Variants in DGCR8 observed in about 807,000 individuals in gnomAD.
The protein encoded by DGCR8 is DGCR8 microprocessor complex subunit, also known as microprocessor complex subunit DGCR8.
Under a neutral mutation model 78.5 loss-of-function variants are expected in DGCR8, and 14 were observed. The observed-to-expected ratio is 0.18, with a 90% CI of 0.12 to 0.28. The LOEUF (loss-of-function observed/expected upper bound fraction) is 0.28, where lower values mean the gene tolerates loss of function less well. Among genes scored for constraint, DGCR8 ranks in the 10% least tolerant of loss-of-function variants. DGCR8 has a pLI of 1.00. For missense variants in DGCR8, 702 were observed against 1,022.5 expected (o/e 0.69, Z 4.28); for synonymous variants, 399 against 402.4 (o/e 0.99, Z 0.10).
At chr22:20,100,395 C>T (rs766472822) in intron 9 of DGCR8, 30 of 985,174 alleles carry the variant, frequency 3.0e-5, no homozygotes, top group East Asian at 2.3e-4. Flanking sequence ...GTGACCCAAC[C>T]GTGGGAAATA....
Position 20,085,190 on chromosome 22 carries a change from T to C in DGCR8, c.-277-497T>C. The C allele has an allele frequency of 3.4e-6, 1 of 294,876 alleles. No homozygotes were observed. The highest frequency in any genetic ancestry group is 5.0e-6 in the Non-Finnish European group (1 of 198,692). 18.3% of individuals were successfully genotyped at this position (294,876 alleles called of 1,614,324 possible). On this transcript the variant is annotated intron_variant, in intron 1 of 13. Transcript: ENST00000351989. This position sits in a 1 kb window ranked among gnomAD's most constrained non-coding sequence, Gnocchi z 6.2. ...TGGGGTCCCTGGGTAGCAGAGCGCC[T>C]GGCCATGCCTCTGAGGCCCCTAGTG... is the stretch of plus-strand genomic sequence containing the variant.
chr22:20,086,969 T>C lies in DGCR8; in HGVS notation c.721-193T>C, dbSNP rs960547293. 1.3e-6 allele frequency: 1 copy of C among 791,418 alleles called. No homozygotes were observed. The highest frequency in any genetic ancestry group is 1.7e-5 in the African/African-American group (1 of 57,712). The allele number at this position is 791,418 out of a possible 1,614,324, so 49.0% of individuals were successfully genotyped here. On this transcript the variant is annotated intron_variant, in intron 2 of 13. Transcript: ENST00000351989. This position sits in a 1 kb window ranked among gnomAD's most constrained non-coding sequence, Gnocchi z 6.4. Reference sequence around the variant, plus strand: ...TACGCTCCTTGGCAGTGTGTGCCCCTGGACCAGGTGTGTTGGTGTCAGCTG... The same window carrying C: ...TACGCTCCTTGGCAGTGTGTGCCCCCGGACCAGGTGTGTTGGTGTCAGCTG...
chr22:20,107,676 G>A (rs2049786680), intron 12 of DGCR8: 4 of 450,638 alleles, frequency 8.9e-6, no homozygotes, highest in African/African-American at 5.9e-5. Flanking sequence ...AAAGTGCAAG[G>A]CAGGGCCAGG....
At chr22:20,109,518 C>T (rs1240549747) in intron 13 of DGCR8, among the ~76,000 whole-genome samples, 1 of 152,168 alleles carries the variant, frequency 6.6e-6, no homozygotes, top group Non-Finnish European at 1.5e-5. Context: ...TGGGTGAGAG[C>T]CCCAGGAGGT....
At chr22:20,099,069 G>A (rs1448135191) in intron 9 of DGCR8, among the ~76,000 whole-genome samples, 2 of 152,184 alleles carry the variant, frequency 1.3e-5, no homozygotes, top group African/African-American at 4.8e-5. Flanking sequence ...GAGCCAGTAA[G>A]TCTCCCGGCC....
intron 9 of DGCR8, chr22:20,101,768 G>A: frequency 3.0e-6 from 3 of 985,290 alleles, no homozygotes; most frequent in Non-Finnish European, 3.6e-6. Flanking sequence ...CCCGCCCCCT[G>A]CTCCTCCCAG....
chr22:20,106,744 C>A, intron 11 of DGCR8, 46 bp downstream of exon 11: 2 of 1,388,974 alleles, frequency 1.4e-6, no homozygotes, highest in Non-Finnish European at 2.0e-6. Context: ...GGCGGGCGGC[C>A]CCTGGTGTGG....
chr22:20,107,503 G>GCTCACAGCTGCCTCTCTCCTGGGC, intron 12 of DGCR8, 105 bp downstream of exon 12: 1 of 1,409,878 alleles, frequency 7.1e-7, no homozygotes, highest in Non-Finnish European at 9.8e-7. Flanking sequence ...CTCTGCTGTT[G>GCTCACAGCTGCCTCTCTCCTGGGC]CTCACAGCTG....
At chr22:20,102,077 T>C (rs999360228) in intron 9 of DGCR8, 18 of 980,264 alleles carry the variant, frequency 1.8e-5, no homozygotes, top group Non-Finnish European at 2.2e-5. Flanking sequence ...GACCAAGTGT[T>C]TTCTTTTTTT....
intron 3 of DGCR8, among the ~76,000 whole-genome samples, chr22:20,088,425 C>T (rs563876016): frequency 1.7e-4 from 26 of 152,334 alleles, no homozygotes; most frequent in Admixed American, 1.0e-3. Context: ...TGTTCACAGA[C>T]GGACAGCTGC....
intron 9 of DGCR8, among the ~76,000 whole-genome samples, chr22:20,105,853 A>C (rs1602496181): frequency 6.6e-6 from 1 of 152,312 alleles, no homozygotes; most frequent in African/African-American, 2.4e-5. Context: ...AGTTCTGAGA[A>C]GGGTGCCTTA....
At position 20,087,211 on chromosome 22, in the gene DGCR8, C is replaced by T. The variant is rs1367469478; in HGVS notation, c.770C>T (p.Ala257Val). 5 of 1,613,758 alleles carry T rather than the reference C, an allele frequency of 3.1e-6. No homozygotes were observed. The highest frequency in any genetic ancestry group is 3.3e-4 in the Middle Eastern group (2 of 6,056). Reference protein sequence around the residue: ...VDALLEEGLCAPKKRRTEEKY... With the variant: ...VDALLEEGLCVPKKRRTEEKY... Reference sequence around the variant, plus strand: ...GCTCTGCTGGAAGAAGGCCTTTGTGCCCCCAAAAAGAGGCGAACAGAGGAA... The same window carrying T: ...GCTCTGCTGGAAGAAGGCCTTTGTGTCCCCAAAAAGAGGCGAACAGAGGAA... The change falls in exon 3 of 14, where the codon GCC becomes GTC. Residue 257 changes from alanine to valine, a missense_variant. By Grantham distance (64) the Ala-to-Val change is moderately conservative. Coordinates refer to ENST00000351989, the MANE Select transcript of DGCR8 (RefSeq NM_022720.7). The surrounding 1 kb of genome is among the most constrained non-coding windows in gnomAD (Gnocchi z 4.1).
At chr22:20,103,313 A>G (rs1221306601) in intron 9 of DGCR8, among the ~76,000 whole-genome samples, 1 of 151,896 alleles carries the variant, frequency 6.6e-6, no homozygotes, top group Admixed American at 6.6e-5. Context: ...TTTTCATCAC[A>G]CAGGCCCTGT....
chr22:20,092,585 C>G (rs2049578700), intron 7 of DGCR8, among the ~76,000 whole-genome samples: 2 of 152,120 alleles, frequency 1.3e-5, no homozygotes, highest in South Asian at 4.1e-4. Context: ...CACCATCTCC[C>G]ACGTGCCTCA....
chr22:20,104,320 G>A (rs1472878522), intron 9 of DGCR8, among the ~76,000 whole-genome samples: 5 of 151,948 alleles, frequency 3.3e-5, no homozygotes, highest in Non-Finnish European at 5.9e-5. Flanking sequence ...GCCTGCCACC[G>A]CGCCCGGCTA....
chr22:20,085,892 T>C lies in DGCR8; in HGVS notation c.-72T>C. On this transcript the variant is annotated 5_prime_UTR_variant, in exon 2 of 14. It removes an upstream start codon present in the reference 5' UTR. Coordinates refer to ENST00000351989, the MANE Select transcript of DGCR8 (RefSeq NM_022720.7). The surrounding 1 kb of genome is among the most constrained non-coding windows in gnomAD (Gnocchi z 6.2). The stretch of plus-strand genomic sequence containing the variant: ...GCCCGGGTCTCAGCGGACTTGTGCA[T>C]GTTAGCTGTGTAGATTTATGTGAGG... 1 of 1,505,944 alleles carries C rather than the reference T, an allele frequency of 6.6e-7. No homozygotes were observed. Among genetic ancestry groups the C allele is most frequent in the South Asian group, 1.3e-5 (1 of 75,644 alleles). 93.3% of individuals were successfully genotyped at this position (1,505,944 alleles called of 1,614,324 possible).
intron 9 of DGCR8, chr22:20,096,566 A>G (rs2049631088): frequency 1.4e-5 from 11 of 758,708 alleles, no homozygotes; most frequent in South Asian, 6.0e-5. Context: ...CTTTTAAACT[A>G]TATAAGTGGA....
chr22:20,096,416 A>G (rs2049629443), intron 9 of DGCR8: 39 of 984,850 alleles, frequency 4.0e-5, no homozygotes, highest in Non-Finnish European at 4.6e-5. Flanking sequence ...AGGGTCAGCC[A>G]TGTGAAGAAC....
chr22:20,081,343 T>C (rs1231100760), intron 1 of DGCR8, among the ~76,000 whole-genome samples: 2 of 152,338 alleles, frequency 1.3e-5, no homozygotes, highest in East Asian at 3.9e-4. Context: ...GCTGTCCAAG[T>C]GTACGGGTTT....
Sources: gnomAD v4.1 joint callset for allele counts (sites outside exome capture counted in the v4.1 genomes callset) on GRCh38, gnomAD v4.1.1 for gene constraint, Gnocchi (gnomAD v3.1) non-coding constraint, MANE v1.5 for transcripts, NCBI Gene and HGNC (gene_info 2026-07-23, HGNC 2026-07-21) for gene names.